The following FAAH2 variants were observed in gnomAD, a reference collection of about 807,000 sequenced individuals.
FAAH2 encodes the protein fatty acid amide hydrolase 2.
FAAH2 carries 60 observed loss-of-function variants against 36.9 expected under a neutral mutation model. The ratio of observed to expected loss-of-function variants is 1.63; its 90% CI spans 1.32 to 2.02. The LOEUF is 2.02. Among genes scored for constraint, FAAH2 ranks in the 30% most tolerant of loss-of-function variants. The probability of loss-of-function intolerance (pLI) is 0.00; values close to 1 mark genes in which losing one functional copy is unlikely to be tolerated. For missense variants in FAAH2, 689 were observed against 397.5 expected (o/e 1.73, Z -6.23); for synonymous variants, 214 against 143.8 (o/e 1.49, Z -3.49).
the FAAH2 span, among the ~76,000 whole-genome samples, chrX:57,278,098 A>G: frequency 2.8e-4 from 31 of 112,024 alleles, no homozygotes; most frequent in Non-Finnish European, 4.9e-4. Context: ...GAACCAAAAA[A>G]GAGCCCTCAT....
At chrX:57,361,199 G>A (rs1473257361) in intron 5 of FAAH2, among the ~76,000 whole-genome samples, 1 of 111,836 alleles carries the variant, frequency 8.9e-6, no homozygotes, top group Non-Finnish European at 1.9e-5. Flanking sequence ...CTCATAATTA[G>A]TTTGCTCAGA....
At chrX:57,138,250 T>C in the FAAH2 span, among the ~76,000 whole-genome samples, 503 of 111,593 alleles carry the variant, frequency 4.5e-3, 3 homozygotes, top group African/African-American at 0.016. Context: ...ATCCTATAAT[T>C]CTGAAAATAA....
At chrX:57,317,246 A>C (rs2052868467) in intron 3 of FAAH2, among the ~76,000 whole-genome samples, 1 of 112,557 alleles carries the variant, frequency 8.9e-6, no homozygotes, top group Non-Finnish European at 1.9e-5. Context: ...GCCAAGACCC[A>C]TTAGTCTGCT....
At chrX:57,295,538 A>G (rs757255038) in intron 2 of FAAH2, among the ~76,000 whole-genome samples, 46 of 112,158 alleles carry the variant, frequency 4.1e-4, no homozygotes, top group African/African-American at 1.4e-3. Flanking sequence ...AGCGACGCAG[A>G]AGATGGGTGA....
intron 7 of FAAH2, among the ~76,000 whole-genome samples, chrX:57,395,574 T>A (rs891606338): frequency 8.9e-6 from 1 of 112,310 alleles, no homozygotes; most frequent in Non-Finnish European, 1.9e-5. Flanking sequence ...TAGTTGGTTG[T>A]GAAGAAATGT....
chrX:57,466,110 G>A (rs1016330155), intron 10 of FAAH2, among the ~76,000 whole-genome samples: 2 of 94,101 alleles, frequency 2.1e-5, no homozygotes, highest in Non-Finnish European at 4.1e-5. Context: ...GAAAGCTATA[G>A]CACTGTATTG....
intron 10 of FAAH2, among the ~76,000 whole-genome samples, chrX:57,460,087 G>A (rs933064413): frequency 5.4e-5 from 6 of 111,120 alleles, no homozygotes; most frequent in Admixed American, 9.6e-5. Flanking sequence ...TGCAAGGAAG[G>A]CGTGAAGACA....
chrX:57,185,322 C>CTT, the FAAH2 span, among the ~76,000 whole-genome samples: 5 of 111,222 alleles, frequency 4.5e-5, no homozygotes, highest in Non-Finnish European at 7.5e-5. Context: ...CTACAAATAA[C>CTT]TGAGAACATA....
intron 5 of FAAH2, among the ~76,000 whole-genome samples, chrX:57,351,162 A>G (rs1023483792): frequency 1.8e-5 from 2 of 111,735 alleles, no homozygotes; most frequent in Non-Finnish European, 3.8e-5. Flanking sequence ...ACAGTGGAAC[A>G]CTACTAGAAA....
the FAAH2 span, among the ~76,000 whole-genome samples, chrX:57,246,483 C>T: frequency 1.8e-5 from 2 of 111,710 alleles, no homozygotes; most frequent in African/African-American, 6.5e-5. Context: ...AAAATACTAG[C>T]AAGCCAAATC....
At chrX:57,220,930 C>T in the FAAH2 span, among the ~76,000 whole-genome samples, 3 of 112,223 alleles carry the variant, frequency 2.7e-5, no homozygotes, top group Admixed American at 9.4e-5. Context: ...CTGGAACAGA[C>T]ACCCTGGCAA....
chrX:57,248,150 T>A, the FAAH2 span, among the ~76,000 whole-genome samples: 1 of 112,234 alleles, frequency 8.9e-6, no homozygotes, highest in South Asian at 3.7e-4. Flanking sequence ...AATAAAAATG[T>A]TAAGAACAAT....
the FAAH2 span, among the ~76,000 whole-genome samples, chrX:57,154,608 G>T: frequency 9.1e-6 from 1 of 109,869 alleles, no homozygotes; most frequent in African/African-American, 3.3e-5. Context: ...TTTTAAATTG[G>T]ATGTCACCTT....
At chrX:57,326,259 C>A (rs1179291628) in intron 3 of FAAH2, among the ~76,000 whole-genome samples, 1 of 103,801 alleles carries the variant, frequency 9.6e-6, no homozygotes, top group Non-Finnish European at 2.0e-5. Context: ...TTGCTTCCAA[C>A]TATGTGGTGA....
intron 7 of FAAH2, chrX:57,393,242 A>G (rs1480122735): frequency 8.4e-7 from 1 of 1,194,853 alleles, no homozygotes; most frequent in Non-Finnish European, 1.1e-6. Context: ...CAAGTTACTG[A>G]AGCCTTTTTC....
chrX:57,431,955 T>C lies in FAAH2; in HGVS notation c.1034T>C (p.Val345Ala). The C allele has an allele frequency of 1.7e-6, 2 of 1,205,460 alleles. No homozygotes were observed. The highest frequency in any genetic ancestry group is 2.2e-6 in the Non-Finnish European group (2 of 891,754). Reference protein sequence around the residue: ...VHLETILGASVQHVKLKKMKY... With the variant: ...VHLETILGASAQHVKLKKMKY... ...CTTGAAACTATTCTAGGAGCCTCAG[T>C]TCAACATGTTAAACTGAAGAAAATG... Residue 345 changes from valine (V) to alanine (A), a missense_variant, in exon 8 of 11, where the codon GTT becomes GCT. Val to Ala is a moderately conservative substitution (Grantham distance 64). Transcript: ENST00000374900.
chrX:57,480,631 T>C (rs2057361784), intron 10 of FAAH2, among the ~76,000 whole-genome samples: 1 of 112,066 alleles, frequency 8.9e-6, no homozygotes, highest in African/African-American at 3.2e-5. Flanking sequence ...GGCTTCCCTT[T>C]GTAGGTAACC....
chrX:57,166,632 C>T, the FAAH2 span, among the ~76,000 whole-genome samples: 1 of 112,324 alleles, frequency 8.9e-6, no homozygotes, highest in Non-Finnish European at 1.9e-5. Context: ...TATTCTACAC[C>T]TATGGTTTTG....
chrX:57,343,102 T>G (rs955726182), intron 5 of FAAH2, among the ~76,000 whole-genome samples: 1 of 112,151 alleles, frequency 8.9e-6, no homozygotes, highest in Non-Finnish European at 1.9e-5. Context: ...TCATTTGTCT[T>G]TTTGGTAGAA....
Sources: allele counts gnomAD v4.1 joint callset (sites outside exome capture counted in the v4.1 genomes callset), GRCh38; gene constraint gnomAD v4.1.1; transcripts MANE v1.5; gene names NCBI Gene and HGNC (gene_info 2026-07-23, HGNC 2026-07-21).